The following FBXL4 variants were observed in gnomAD, a reference collection of about 807,000 sequenced individuals.
FBXL4 encodes F-box/LRR-repeat protein 4.
In FBXL4, 40 loss-of-function variants were observed where a neutral mutation model predicts 58.9. That is an observed-to-expected ratio of 0.68 (90% CI 0.53 to 0.88). The LOEUF is 0.88. Ranked by LOEUF, FBXL4 falls within the 40% of genes least tolerant of loss-of-function variation. The probability of loss-of-function intolerance (pLI) is 0.00; values close to 1 mark genes in which losing one functional copy is unlikely to be tolerated. For missense variants in FBXL4, 676 were observed against 734.4 expected (o/e 0.92, Z 0.92); for synonymous variants, 263 against 265.5 (o/e 0.99, Z 0.09).
chr6:98,883,671 A>G (rs891272015), intron 7 of FBXL4, among the ~76,000 whole-genome samples: 1 of 151,832 alleles, frequency 6.6e-6, no homozygotes, highest in African/African-American at 2.4e-5. Flanking sequence ...CATTGTATCC[A>G]CTGATTTGTA....
intron 4 of FBXL4, among the ~76,000 whole-genome samples, chr6:98,920,819 T>TAG: frequency 6.9e-6 from 1 of 144,844 alleles, no homozygotes; most frequent in Non-Finnish European, 1.5e-5. Flanking sequence ...TACACACACA[T>TAG]ACACACACAC....
At chr6:98,911,019 A>G (rs1185279710) in intron 5 of FBXL4, among the ~76,000 whole-genome samples, 3 of 152,150 alleles carry the variant, frequency 2.0e-5, no homozygotes, top group Admixed American at 6.5e-5. Flanking sequence ...GCGCACCAGG[A>G]GATTATATCC....
At chr6:98,902,886 T>C (rs1771664828) in intron 6 of FBXL4, among the ~76,000 whole-genome samples, 1 of 152,186 alleles carries the variant, frequency 6.6e-6, no homozygotes, top group Admixed American at 6.5e-5. Context: ...ATCACAAATC[T>C]GTAGCTAGAA....
At chr6:98,881,367 C>G (rs928201757) in intron 7 of FBXL4, among the ~76,000 whole-genome samples, 3 of 151,984 alleles carry the variant, frequency 2.0e-5, no homozygotes, top group Admixed American at 6.6e-5. Context: ...TTGTGAAAAA[C>G]AAAATAATGC....
At chr6:98,885,288 G>C (rs1770997945) in intron 7 of FBXL4, among the ~76,000 whole-genome samples, 1 of 152,140 alleles carries the variant, frequency 6.6e-6, no homozygotes. Context: ...ATTATGCAGA[G>C]GTGGGGTTTC....
intron 1 of FBXL4, among the ~76,000 whole-genome samples, chr6:98,936,646 C>T (rs1773229580): frequency 1.3e-5 from 2 of 152,046 alleles, no homozygotes; most frequent in South Asian, 2.1e-4. Flanking sequence ...TTTCTCTAGC[C>T]TATTTCATTG....
In FBXL4 at chr6:98,887,881, G is replaced by A. The variant is rs181382009; in HGVS notation, c.1318-7257C>T. The stretch of plus-strand genomic sequence containing the variant: ...AAGCACAAATTAACACAGTTTCATG[G>A]CTTTCTCCAGCAAAGCTCATCAGCA... On this transcript the variant is annotated intron_variant, in intron 7 of 9. Transcript: ENST00000369244. 9.2e-5 allele frequency among the ~76,000 whole-genome samples: 14 copies of A among 152,298 alleles called. No individual in the cohort carries two copies. The East Asian group carries it at 2.7e-3, about 29-fold the overall frequency.
rs555654403 is a variant in FBXL4 at position 98,870,409 on chromosome 6, C to T, written c.*3869G>A. 3 of 152,262 alleles carry T rather than the reference C, an allele frequency of 2.0e-5. No individual in the cohort carries two copies. The East Asian group carries it at 5.8e-4, about 29-fold the overall frequency. The allele number at this position is 152,262 out of a possible 1,614,324, so 9.4% of individuals were successfully genotyped here. On this transcript the variant is annotated 3_prime_UTR_variant, in exon 10 of 10. Transcript: ENST00000369244. ...TATGTAAAATTCAACTTTCAGTGCT[C>T]ATGAAATTTTATTGGAACATGGCCA...
intron 7 of FBXL4, chr6:98,896,677 T>C (rs1771420944): frequency 1.5e-6 from 1 of 678,452 alleles, no homozygotes; most frequent in Non-Finnish European, 1.8e-6. Context: ...AATTACGTAG[T>C]GTTTATGATA....
intron 7 of FBXL4, among the ~76,000 whole-genome samples, chr6:98,884,947 T>C (rs1770983690): frequency 6.6e-6 from 1 of 152,196 alleles, no homozygotes; most frequent in South Asian, 2.1e-4. Flanking sequence ...TTCCTCTCCC[T>C]TTGAGAGAGT....
chr6:98,920,838 AC>A (rs1408704958), intron 4 of FBXL4, among the ~76,000 whole-genome samples: 3 of 151,804 alleles, frequency 2.0e-5, no homozygotes, highest in East Asian at 3.9e-4. Context: ...ACACACACAC[AC>A]ACACACACAC....
chr6:98,921,515 C>G (rs1237552886), intron 4 of FBXL4, among the ~76,000 whole-genome samples: 1 of 151,772 alleles, frequency 6.6e-6, no homozygotes, highest in Non-Finnish European at 1.5e-5. Flanking sequence ...AGTATTCTGA[C>G]AGGTCTATCT....
At chr6:98,925,332 A>G (rs1431490706) in intron 4 of FBXL4, among the ~76,000 whole-genome samples, 1 of 152,206 alleles carries the variant, frequency 6.6e-6, no homozygotes, top group Admixed American at 6.5e-5. Flanking sequence ...CTTTGGAGAG[A>G]AATTTGGCAT....
At chr6:98,901,610 T>A (rs1351387330) in intron 6 of FBXL4, among the ~76,000 whole-genome samples, 1 of 152,162 alleles carries the variant, frequency 6.6e-6, no homozygotes, top group Admixed American at 6.5e-5. Flanking sequence ...ATATTTTTAC[T>A]CTGAGCAGAT....
At position 98,874,350 on chromosome 6, in the gene FBXL4, A is replaced by G; in HGVS notation, c.1794T>C (p.Ile598=). 1 of 1,613,172 alleles carries G rather than the reference A, an allele frequency of 6.2e-7. No homozygotes were observed. Among genetic ancestry groups the G allele is most frequent in the Non-Finnish European group, 8.5e-7 (1 of 1,179,682 alleles). ...TCAGTTCTAGCACAGCTCTGTTATC[A>G]ATCTGCGAACAGAAGGACACATCAA... ...SLLDVSFCSQ[I]DNRAVLELNA... The change falls in exon 10 of 10, where the codon ATT becomes ATC. Residue 598 remains isoleucine (I), a synonymous_variant. Transcript: ENST00000369244.
chr6:98,901,182 G>T (rs902349733), intron 6 of FBXL4, among the ~76,000 whole-genome samples: 1 of 152,110 alleles, frequency 6.6e-6, no homozygotes, highest in African/African-American at 2.4e-5. Flanking sequence ...AGCAGGGAAG[G>T]GCAATAGAAA....
chr6:98,909,879 A>T (rs1375664507), intron 5 of FBXL4, among the ~76,000 whole-genome samples: 1 of 152,182 alleles, frequency 6.6e-6, no homozygotes, highest in Non-Finnish European at 1.5e-5. Flanking sequence ...ATTAACTTGG[A>T]CACTTAAATT....
chr6:98,910,723 C>T (rs533164989), intron 5 of FBXL4, among the ~76,000 whole-genome samples: 10 of 152,014 alleles, frequency 6.6e-5, no homozygotes, highest in East Asian at 1.9e-4. Context: ...AGGAACAGCT[C>T]GAGTCTATAG....
intron 1 of FBXL4, among the ~76,000 whole-genome samples, chr6:98,944,599 T>C (rs552516364): frequency 1.1e-4 from 17 of 152,364 alleles, no homozygotes; most frequent in African/African-American, 4.1e-4. Context: ...GTAGAGGCAC[T>C]GACGGCCTTT....
Sources: gnomAD v4.1 joint callset for allele counts (sites outside exome capture counted in the v4.1 genomes callset) on GRCh38, gnomAD v4.1.1 for gene constraint, MANE v1.5 for transcripts, NCBI Gene and HGNC (gene_info 2026-07-23, HGNC 2026-07-21) for gene names.